Variants in IL1R1 observed in about 807,000 individuals in gnomAD.
The protein encoded by IL1R1 is interleukin 1 receptor type 1.
A neutral mutation model predicts 50.2 loss-of-function variants in IL1R1; 22 were observed. The observed-to-expected ratio is 0.44, with a 90% CI of 0.31 to 0.63. The LOEUF is 0.63. Ranked by LOEUF, IL1R1 falls within the 20% of genes least tolerant of loss-of-function variation. The probability of loss-of-function intolerance (pLI) is 0.07; values close to 1 mark genes in which losing one functional copy is unlikely to be tolerated. For missense variants in IL1R1, 509 were observed against 676.2 expected (o/e 0.75, Z 2.74); for synonymous variants, 251 against 236.7 (o/e 1.06, Z -0.55).
intron 1 of IL1R1, among the ~76,000 whole-genome samples, chr2:102,096,611 A>G (rs1250515965): frequency 2.0e-5 from 3 of 151,558 alleles, no homozygotes; most frequent in Non-Finnish European, 4.4e-5. Context: ...TTGTGTTACT[A>G]ACTCTTTATA....
intron 1 of IL1R1, among the ~76,000 whole-genome samples, chr2:102,133,956 G>T (rs540667042): frequency 6.6e-6 from 1 of 151,580 alleles, no homozygotes; most frequent in African/African-American, 2.4e-5. Flanking sequence ...GAAAAGAAAA[G>T]AAATTCTATT....
At chr2:102,070,717 G>A (rs1678677955) in intron 1 of IL1R1, among the ~76,000 whole-genome samples, 1 of 152,060 alleles carries the variant, frequency 6.6e-6, no homozygotes, top group South Asian at 2.1e-4. Flanking sequence ...TCCAGAAGGG[G>A]CCCCTTTACT....
chr2:102,094,315 A>G (rs1679806890), intron 1 of IL1R1, among the ~76,000 whole-genome samples: 1 of 152,230 alleles, frequency 6.6e-6, no homozygotes. Context: ...CAATTGAAGC[A>G]TTTACAGAAT....
At chr2:102,104,593 G>A (rs967134702) in exon 1 of IL1R1, 1 of 152,082 alleles carries the variant, frequency 6.6e-6, no homozygotes, top group African/African-American at 2.4e-5. Context: ...CTAAGAGGCT[G>A]TGACACAGCC....
At chr2:102,099,122 G>A (rs1680026964) in intron 1 of IL1R1, among the ~76,000 whole-genome samples, 1 of 152,194 alleles carries the variant, frequency 6.6e-6, no homozygotes, top group African/African-American at 2.4e-5. Context: ...TTGTGATAGA[G>A]TAAAAGAGAA....
chr2:102,155,568 A>C (rs142523721), intron 2 of IL1R1, among the ~76,000 whole-genome samples: 3 of 151,832 alleles, frequency 2.0e-5, no homozygotes, highest in African/African-American at 7.2e-5. Context: ...TGGTCATGTG[A>C]CCCTTAACGC....
chr2:102,099,902 C>G (rs1450189294), upstream of IL1R1, among the ~76,000 whole-genome samples: 1 of 152,210 alleles, frequency 6.6e-6, no homozygotes. Flanking sequence ...ATGGTTCTAT[C>G]TTAATGGCGT....
At chr2:102,141,065 C>T (rs964793623), upstream of IL1R1, among the ~76,000 whole-genome samples, 1 of 152,200 alleles carries the variant, frequency 6.6e-6, no homozygotes, top group African/African-American at 2.4e-5. Context: ...AATGGAAGGA[C>T]GAATTTATGT....
At chr2:102,105,999 G>C (rs1401036876) in intron 1 of IL1R1, among the ~76,000 whole-genome samples, 1 of 152,188 alleles carries the variant, frequency 6.6e-6, no homozygotes, top group African/African-American at 2.4e-5. Flanking sequence ...GACTGAACCT[G>C]AAAGATTAAG....
In IL1R1 at chr2:102,165,190, A is replaced by G. The variant is rs759508544; in HGVS notation, c.372A>G (p.Ala124=). 1 of 1,607,120 alleles carries G rather than the reference A, an allele frequency of 6.2e-7. No individual in the cohort carries two copies. Among genetic ancestry groups the G allele is most frequent in the Non-Finnish European group, 8.5e-7 (1 of 1,177,864 alleles). ...VENEPNLCYN[A]QAIFKQKLPV... ...ATGAGCCTAACTTATGTTATAATGCACAAGCCATATTTAAGCAGAAACTAC... is the reference window on the plus strand; with the variant it reads ...ATGAGCCTAACTTATGTTATAATGCGCAAGCCATATTTAAGCAGAAACTAC... The change falls in exon 5 of 12, where the codon GCA becomes GCG. Residue 124 remains alanine (A), a synonymous_variant. Coordinates refer to ENST00000410023, the MANE Select transcript of IL1R1 (RefSeq NM_000877.4).
At chr2:102,081,235 C>T (rs1679193807) in intron 1 of IL1R1, among the ~76,000 whole-genome samples, 2 of 152,064 alleles carry the variant, frequency 1.3e-5, no homozygotes, top group African/African-American at 4.8e-5. Context: ...CAATAAAATT[C>T]TCATTAAAAT....
At chr2:102,100,840 G>A (rs1680109918), upstream of IL1R1, among the ~76,000 whole-genome samples, 1 of 152,142 alleles carries the variant, frequency 6.6e-6, no homozygotes, top group African/African-American at 2.4e-5. Flanking sequence ...ATAGAAAGCT[G>A]GACACAGTGC....
At chr2:102,134,191 C>T (rs985152164) in intron 1 of IL1R1, among the ~76,000 whole-genome samples, 4 of 152,172 alleles carry the variant, frequency 2.6e-5, no homozygotes, top group South Asian at 2.1e-4. Flanking sequence ...AAGATCTGTA[C>T]GTGAAGCGGT....
chr2:102,094,746 C>T (rs989573979), intron 1 of IL1R1, among the ~76,000 whole-genome samples: 2 of 152,086 alleles, frequency 1.3e-5, no homozygotes, highest in Non-Finnish European at 2.9e-5. Flanking sequence ...AGTCAGCCAA[C>T]AGACACAGAA....
chr2:102,138,478 C>T (rs1682466249), upstream of IL1R1, among the ~76,000 whole-genome samples: 2 of 152,216 alleles, frequency 1.3e-5, no homozygotes, highest in Admixed American at 6.5e-5. Flanking sequence ...AAATATGTCA[C>T]ACTTTCTCAT....
At position 102,179,195 on chromosome 2, in the gene IL1R1, A is replaced by T. The variant is rs1686384104; in HGVS notation, c.*2436A>T. On this transcript the variant is annotated 3_prime_UTR_variant, in exon 12 of 12. Transcript: ENST00000410023. ...GATTATTTTAGTCTGTCATCCAGAA[A>T]ATGTGTCAGCATGCATAGTGCTAAG... The T allele has an allele frequency of 1.3e-5, 2 of 152,362 alleles. No individual in the cohort carries two copies. Among genetic ancestry groups the T allele is most frequent in the Admixed American group, 1.3e-4 (2 of 15,270 alleles). The allele number at this position is 152,362 out of a possible 1,614,324, so 9.4% of individuals were successfully genotyped here.
chr2:102,105,898 T>A (rs1680383813), intron 1 of IL1R1, among the ~76,000 whole-genome samples: 1 of 152,328 alleles, frequency 6.6e-6, no homozygotes, highest in East Asian at 1.9e-4. Context: ...TTTTTATCCT[T>A]GATCTCCATA....
chr2:102,089,120 T>A (rs1243329555), intron 1 of IL1R1, among the ~76,000 whole-genome samples: 1 of 152,222 alleles, frequency 6.6e-6, no homozygotes, highest in Non-Finnish European at 1.5e-5. Context: ...ATTTTTACTT[T>A]GCACTCACAA....
intron 1 of IL1R1, among the ~76,000 whole-genome samples, chr2:102,090,980 T>C (rs1208086789): frequency 6.6e-6 from 1 of 152,228 alleles, no homozygotes; most frequent in African/African-American, 2.4e-5. Flanking sequence ...GTAAACTCAG[T>C]CCAACCAGAA....
Sources: allele counts gnomAD v4.1 joint callset (sites outside exome capture counted in the v4.1 genomes callset), GRCh38; gene constraint gnomAD v4.1.1; transcripts MANE v1.5; gene names NCBI Gene and HGNC (gene_info 2026-07-23, HGNC 2026-07-21).